RANBP2: variants seen among roughly 807,000 people sequenced by gnomAD.
RANBP2 encodes E3 SUMO-protein ligase RanBP2.
Under a neutral mutation model 303.6 loss-of-function variants are expected in RANBP2, and 57 were observed. That is an observed-to-expected ratio of 0.19 (90% CI 0.15 to 0.23). The LOEUF is 0.23. Among genes scored for constraint, RANBP2 ranks in the 10% least tolerant of loss-of-function variants. RANBP2 has a pLI of 1.00. For synonymous variants in RANBP2, 1,167 were observed against 1,301.5 expected, an observed-to-expected ratio of 0.90 and a Z score of 2.23; for missense variants, 3,138 against 3,780.8, an observed-to-expected ratio of 0.83 and a Z score of 4.46.
chr2:109,172,515 T>C, the RANBP2 span, among the ~76,000 whole-genome samples: 1 of 152,234 alleles, frequency 6.6e-6, no homozygotes, highest in Non-Finnish European at 1.5e-5. Flanking sequence ...GTAATTTTCC[T>C]TTCTTACCTC....
chr2:109,001,652 GC>G, the RANBP2 span, among the ~76,000 whole-genome samples: 29 of 152,290 alleles, frequency 1.9e-4, no homozygotes, highest in East Asian at 5.8e-4. Context: ...CACAGAATTG[GC>G]CCTAAATTCT....
the RANBP2 span, among the ~76,000 whole-genome samples, chr2:109,254,006 A>G: frequency 6.6e-6 from 1 of 151,800 alleles, no homozygotes; most frequent in Non-Finnish European, 1.5e-5. Flanking sequence ...TATACATCAT[A>G]CAACTCAGGG....
At chr2:109,432,572 G>A in the RANBP2 span, 17 of 1,613,462 alleles carry the variant, frequency 1.1e-5, no homozygotes, top group Admixed American at 8.3e-5. Flanking sequence ...GAGATGTACC[G>A]GGTCCTCGAG....
the RANBP2 span, among the ~76,000 whole-genome samples, chr2:109,155,601 G>A: frequency 2.6e-5 from 4 of 152,046 alleles, no homozygotes; most frequent in African/African-American, 4.8e-5. Flanking sequence ...GTGCCTGGCC[G>A]GATCTTTGTT....
chr2:109,438,914 G>T, the RANBP2 span, among the ~76,000 whole-genome samples: 1 of 152,150 alleles, frequency 6.6e-6, no homozygotes, highest in South Asian at 2.1e-4. Context: ...CAATCAGCCC[G>T]GTGTTCTGTA....
the RANBP2 span, among the ~76,000 whole-genome samples, chr2:109,169,452 G>C: frequency 1.3e-5 from 2 of 152,196 alleles, no homozygotes; most frequent in South Asian, 4.1e-4. Flanking sequence ...TGGTGGAGGA[G>C]GGTGTTGAAT....
the RANBP2 span, among the ~76,000 whole-genome samples, chr2:109,716,365 C>T: frequency 6.6e-6 from 1 of 151,970 alleles, no homozygotes; most frequent in Non-Finnish European, 1.5e-5. Context: ...AATTCTCCTG[C>T]CTTAGCCTCC....
chr2:108,958,293 C>T, the RANBP2 span, among the ~76,000 whole-genome samples: 12 of 152,154 alleles, frequency 7.9e-5, no homozygotes, highest in Admixed American at 5.9e-4. Context: ...TCAAATCAAC[C>T]GCAGACTGGC....
the RANBP2 span, among the ~76,000 whole-genome samples, chr2:109,242,991 TG>T: frequency 2.0e-5 from 3 of 152,262 alleles, no homozygotes; most frequent in Admixed American, 1.3e-4. Flanking sequence ...CTCATGGTTC[TG>T]TTATTCTGAG....
chr2:109,537,222 T>G, the RANBP2 span, among the ~76,000 whole-genome samples: 5 of 152,378 alleles, frequency 3.3e-5, no homozygotes, highest in African/African-American at 1.2e-4. Context: ...AGTCTCCTTC[T>G]AGCCAGTGTT....
chr2:108,735,845 A>G, intron 5 of RANBP2, 83 bp downstream of exon 5: 1 of 1,594,458 alleles, frequency 6.3e-7, no homozygotes, highest in African/African-American at 1.3e-5. Context: ...AGTGCCCCGC[A>G]GGACTTAAAA....
At chr2:109,313,919 G>A in the RANBP2 span, among the ~76,000 whole-genome samples, 3 of 152,162 alleles carry the variant, frequency 2.0e-5, no homozygotes, top group East Asian at 1.9e-4. Flanking sequence ...GTTGGGACCC[G>A]TATGCAGGGT....
At chr2:109,013,280 T>C in the RANBP2 span, among the ~76,000 whole-genome samples, 20 of 152,342 alleles carry the variant, frequency 1.3e-4, no homozygotes, top group Non-Finnish European at 2.2e-4. Flanking sequence ...AGGTGACTTG[T>C]TAGTCATCAG....
the RANBP2 span, among the ~76,000 whole-genome samples, chr2:109,404,843 C>T: frequency 9.9e-5 from 15 of 152,178 alleles, no homozygotes; most frequent in Non-Finnish European, 1.6e-4. Flanking sequence ...GTCCAGCATC[C>T]TCCTTCCTCA....
At chr2:109,486,009 G>A in the RANBP2 span, among the ~76,000 whole-genome samples, 2 of 152,232 alleles carry the variant, frequency 1.3e-5, no homozygotes, top group African/African-American at 2.4e-5. Context: ...ATCAGTGTGT[G>A]CGCTCCAGCC....
the RANBP2 span, among the ~76,000 whole-genome samples, chr2:109,550,453 T>C: frequency 1.3e-5 from 2 of 151,810 alleles, no homozygotes; most frequent in Admixed American, 6.6e-5. Context: ...GCTGGAATTA[T>C]AGGCATGTTG....
chr2:109,427,317 GCTAT>G, the RANBP2 span, among the ~76,000 whole-genome samples: 1 of 152,126 alleles, frequency 6.6e-6, no homozygotes, highest in African/African-American at 2.4e-5. Flanking sequence ...TAGACATAAT[GCTAT>G]CGCATACTTA....
the RANBP2 span, among the ~76,000 whole-genome samples, chr2:109,239,159 T>TC: frequency 0.01 from 1,524 of 152,236 alleles, 11 homozygotes; most frequent in South Asian, 0.023. Flanking sequence ...ACTTTGAGCT[T>TC]CCCCAGACCT....
At chr2:109,446,138 G>A in the RANBP2 span, among the ~76,000 whole-genome samples, 11 of 152,184 alleles carry the variant, frequency 7.2e-5, no homozygotes, top group Non-Finnish European at 1.5e-4. Context: ...GAAAATAAGG[G>A]TAAATCCTAC....
Sources: gnomAD v4.1 joint callset for allele counts (sites outside exome capture counted in the v4.1 genomes callset) on GRCh38, gnomAD v4.1.1 for gene constraint, MANE v1.5 for transcripts, NCBI Gene and HGNC (gene_info 2026-07-23, HGNC 2026-07-21) for gene names.